LARP7: variants seen among roughly 807,000 people sequenced by gnomAD.
The protein encoded by LARP7 is La ribonucleoprotein 7, transcriptional regulator.
Under a neutral mutation model 69.3 loss-of-function variants are expected in LARP7, and 52 were observed. The ratio of observed to expected loss-of-function variants is 0.75; its 90% CI spans 0.60 to 0.95. The LOEUF is 0.95. Ranked by LOEUF, LARP7 falls within the 40% of genes least tolerant of loss-of-function variation. The probability of loss-of-function intolerance (pLI) is 0.00; values close to 1 mark genes in which losing one functional copy is unlikely to be tolerated. For synonymous variants in LARP7, 254 were observed against 215.9 expected (o/e 1.18, Z -1.55); for missense variants, 733 against 673.0 (o/e 1.09, Z -0.99).
intron 2 of LARP7, 65 bp from the exon 3 acceptor site, chr4:112,646,286 A>T (rs781249365): frequency 2.4e-5 from 20 of 827,838 alleles, no homozygotes; most frequent in African/African-American, 3.5e-5. Flanking sequence ...GGGGCAGGTT[A>T]AATTGTACCA....
chr4:112,651,669 A>G (rs763594406), intron 10 of LARP7, among the ~76,000 whole-genome samples: 5 of 152,154 alleles, frequency 3.3e-5, no homozygotes, highest in Non-Finnish European at 7.4e-5. Context: ...AGTTACTTAC[A>G]TTTTGCTGAA....
chr4:112,654,080 A>G lies in LARP7; in HGVS notation c.1589A>G (p.Gln530Arg). ...KLEILSGDHE[Q>R]RYWQKILVDR... is the part of the protein sequence containing the mutation. ...GTTTGTTTTTAAGGTGATCACGAAC[A>G]AAGGTATTGGCAGAAGATTTTGGTT... is the stretch of plus-strand genomic sequence containing the variant. Residue 530 changes from glutamine (Q) to arginine (R), a missense_variant, in exon 12 of 13, where the codon CAA (glutamine) becomes CGA (arginine). Transcript: ENST00000344442. 1 of 1,613,330 alleles carries G rather than the reference A, an allele frequency of 6.2e-7. No homozygotes were observed. Among genetic ancestry groups the G allele is most frequent in the Non-Finnish European group, 8.5e-7 (1 of 1,179,330 alleles).
At chr4:112,648,176 A>C (rs761859575) in intron 8 of LARP7, 1 of 529,424 alleles carries the variant, frequency 1.9e-6, no homozygotes, top group Non-Finnish European at 3.9e-6. Context: ...TGTAAAAGGA[A>C]GACTTACCAT....
In LARP7 at chr4:112,644,880, G is replaced by A. The variant is rs2048103412; in HGVS notation, c.202+9G>A. On this transcript the variant is annotated intron_variant, in intron 2 of 12. Transcript: ENST00000344442. ...AAAATCTAGAGATGGATGTAAGTTT[G>A]CTTCAGTAAAGGAACCAATTTTTAG... 3 of 1,516,602 alleles carry A rather than the reference G, an allele frequency of 2.0e-6. No homozygotes were observed. 93.9% of individuals were successfully genotyped at this position (1,516,602 alleles called of 1,614,324 possible). A position where few individuals can be genotyped will look rare whatever the true frequency, so the allele number is the denominator to read the frequency against.
At chr4:112,641,481 A>G (rs144160165) in intron 1 of LARP7, among the ~76,000 whole-genome samples, 16 of 152,288 alleles carry the variant, frequency 1.1e-4, no homozygotes, top group Admixed American at 5.2e-4. Context: ...TATCTGGAGA[A>G]TCGATTATAA....
chr4:112,649,508 CTG>C (rs1560942729), intron 8 of LARP7, 25 bp from the exon 9 acceptor site: 1 of 1,544,390 alleles, frequency 6.5e-7, no homozygotes, highest in Non-Finnish European at 8.7e-7. Flanking sequence ...ATTTAGTCAT[CTG>C]TTATCACCAT....
chr4:112,644,341 C>T (rs978082100), intron 1 of LARP7: 4 of 359,450 alleles, frequency 1.1e-5, no homozygotes, highest in Admixed American at 4.9e-5. Flanking sequence ...AGAGTGTCCA[C>T]GTCCCTTAAT....
rs1208331721 is a variant in LARP7 at position 112,646,952 on chromosome 4, T to G, written c.549T>G (p.Ile183Met). 1 of 1,599,542 alleles carries G rather than the reference T, an allele frequency of 6.3e-7. No individual in the cohort carries two copies. The highest frequency in any genetic ancestry group is 8.5e-7 in the Non-Finnish European group (1 of 1,176,414). ...FETKEQAAKA[I>M]EFLNNPPEEA... ...CAAAAGAACAAGCAGCAAAAGCAAT[T>G]GAGGTAAGTCCAGATCCTAAAAAAA... is the stretch of plus-strand genomic sequence containing the variant. The change falls in exon 5 of 13, where the codon ATT (isoleucine) becomes ATG (methionine). Residue 183 changes from isoleucine (I) to methionine (M), a missense_variant. Physicochemically the swap from Ile to Met is conservative, Grantham distance 10. Transcript: ENST00000344442.
At chr4:112,639,114 A>G (rs1241248574) in intron 1 of LARP7, among the ~76,000 whole-genome samples, 1 of 152,058 alleles carries the variant, frequency 6.6e-6, no homozygotes, top group Non-Finnish European at 1.5e-5. Context: ...ACTGCTACCT[A>G]GTGGGATTGT....
chr4:112,655,940 G>A (rs1023866454), intron 12 of LARP7, among the ~76,000 whole-genome samples: 1 of 152,102 alleles, frequency 6.6e-6, no homozygotes, highest in African/African-American at 2.4e-5. Context: ...GGAGTACTAG[G>A]AGCATCTTAG....
rs1236898326 is a variant in LARP7 at position 112,643,049 on chromosome 4, G to A, written c.-2-1619G>A. Among the ~76,000 whole-genome samples the A allele has an allele frequency of 2.6e-5, 4 of 152,184 alleles. No homozygotes were observed. In the South Asian group the frequency reaches 8.3e-4, roughly 31 times the overall value. On this transcript the variant is annotated intron_variant, in intron 1 of 12. Transcript: ENST00000344442. Reference sequence around the variant, plus strand: ...GTGATTCAATTCATTCAACAAAATCGAGGCACAATTTATTCAACACATTTT... The same window carrying A: ...GTGATTCAATTCATTCAACAAAATCAAGGCACAATTTATTCAACACATTTT...
chr4:112,647,277 A>T lies in LARP7; in HGVS notation c.725A>T (p.Asp242Val). Residue 242 changes from aspartate to valine, a missense_variant, in exon 7 of 13, where the codon GAC (aspartate) becomes GTC (valine). Asp to Val is a radical substitution (Grantham distance 152). Coordinates refer to ENST00000344442, the MANE Select transcript of LARP7 (RefSeq NM_016648.4). ...ATCCAAGCCAAAGAAGAAAACATGGACACAAGCAACACCAGCATCAGTAAA... is the reference window on the plus strand; with the variant it reads ...ATCCAAGCCAAAGAAGAAAACATGGTCACAAGCAACACCAGCATCAGTAAA... The part of the protein sequence containing the change: ...DNIQAKEENM[D>V]TSNTSISKMK... The T allele has an allele frequency of 6.2e-7, 1 of 1,613,674 alleles. No homozygotes were observed. Among genetic ancestry groups the T allele is most frequent in the South Asian group, 1.1e-5 (1 of 90,884 alleles).
chr4:112,647,587 A>ATTTTAATTAATAAGT, intron 7 of LARP7, 38 bp downstream of exon 7: 1 of 1,414,396 alleles, frequency 7.1e-7, no homozygotes, highest in Non-Finnish European at 9.5e-7. Flanking sequence ...AAACTAATTA[A>ATTTTAATTAATAAGT]TTTTAATTAA....
At chr4:112,652,075 A>C (rs998053750) in intron 10 of LARP7, among the ~76,000 whole-genome samples, 1 of 151,648 alleles carries the variant, frequency 6.6e-6, no homozygotes, top group African/African-American at 2.4e-5. Flanking sequence ...ATGAGTTAAG[A>C]TCTAGTCCCT....
intron 2 of LARP7, 84 bp downstream of exon 2, chr4:112,644,955 T>TTTTC: frequency 3.9e-6 from 2 of 513,422 alleles, no homozygotes; most frequent in African/African-American, 2.1e-5. Flanking sequence ...CTTTTTTTTT[T>TTTTC]TTTTTTTTTG....
At chr4:112,648,121 C>G (rs2048437169) in intron 8 of LARP7, 1 of 550,830 alleles carries the variant, frequency 1.8e-6, no homozygotes, top group South Asian at 1.4e-5. Context: ...AATATATGAG[C>G]TGCGGTCAAT....
At chr4:112,653,432 C>CCTGCCT (rs2048836271) in intron 11 of LARP7, among the ~76,000 whole-genome samples, 196 bp downstream of exon 11, 2 of 152,112 alleles carry the variant, frequency 1.3e-5, no homozygotes, top group African/African-American at 4.8e-5. Context: ...GCCTCAGCCT[C>CCTGCCT]CAGAGTAGCT....
In LARP7 at chr4:112,646,621, AAACCTCT is replaced by A; in HGVS notation, c.338_344del (p.Lys113ArgfsTer40). The A allele has an allele frequency of 6.2e-7, 1 of 1,602,546 alleles. No individual in the cohort carries two copies. Among genetic ancestry groups the A allele is most frequent in the Non-Finnish European group, 8.5e-7 (1 of 1,173,852 alleles). Reference sequence around the variant, plus strand: ...GGAAGGCACCAGAATCCGGAGGAAAAAACCTCTGGGGGAAAGACCAAAGGATGAGGAT... The same window carrying A: ...GGAAGGCACCAGAATCCGGAGGAAAAGGGGGAAAGACCAAAGGATGAGGAT... On this transcript the variant is annotated frameshift_variant, in exon 4 of 13. Transcript: ENST00000344442. LOFTEE classifies it high-confidence loss of function.
chr4:112,641,391 GA>G (rs370133374), intron 1 of LARP7, among the ~76,000 whole-genome samples: 224 of 141,410 alleles, frequency 1.6e-3, no homozygotes, highest in Admixed American at 1.6e-3. Context: ...CCGTCTCAGG[GA>G]AAAAAAAAAA....
Sources: allele counts gnomAD v4.1 joint callset (sites outside exome capture counted in the v4.1 genomes callset), GRCh38; gene constraint gnomAD v4.1.1; transcripts MANE v1.5; gene names NCBI Gene and HGNC (gene_info 2026-07-23, HGNC 2026-07-21).